SOCS7: variants seen among roughly 807,000 people sequenced by gnomAD.
SOCS7 encodes the protein NAP-4.
Under a neutral mutation model 58.9 loss-of-function variants are expected in SOCS7, and 18 were observed. The observed-to-expected ratio is 0.31, with a 90% CI of 0.21 to 0.45. The LOEUF is 0.45. Ranked by LOEUF, SOCS7 falls within the 20% of genes least tolerant of loss-of-function variation. SOCS7 has a pLI of 1.00. For synonymous variants in SOCS7, 388 were observed against 364.3 expected, an observed-to-expected ratio of 1.06 and a Z score of -0.74; for missense variants, 667 against 837.3, an observed-to-expected ratio of 0.80 and a Z score of 2.51.
Position 38,353,007 on chromosome 17 carries a change from G to A in SOCS7, c.955G>A (p.Ala319Thr). Residue 319 changes from alanine to threonine, a missense_variant, in exon 1 of 10, where the codon GCG becomes ACG. Around this residue, in one of 9 missense-constraint regions of SOCS7, gnomAD observed 208 missense variants for 190.3 expected, o/e 1.09. Coordinates refer to ENST00000612932, the MANE Select transcript of SOCS7 (RefSeq NM_014598.4). ...AASLTDMGGS[A>T]GRELDAGRKP... ...GAGCCTGACAGACATGGGAGGCTCTGCGGGCCGGGAGCTGGACGCGGGGAG... is the reference window on the plus strand; with the variant it reads ...GAGCCTGACAGACATGGGAGGCTCTACGGGCCGGGAGCTGGACGCGGGGAG... 1 of 1,596,212 alleles carries A rather than the reference G, an allele frequency of 6.3e-7. No individual in the cohort carries two copies.
intron 7 of SOCS7, among the ~76,000 whole-genome samples, chr17:38,385,848 T>C (rs1425644290): frequency 6.6e-6 from 1 of 152,180 alleles, no homozygotes; most frequent in Non-Finnish European, 1.5e-5. Flanking sequence ...TCCTGTCTTC[T>C]GTATTTCTTA....
intron 7 of SOCS7, among the ~76,000 whole-genome samples, chr17:38,387,133 GTATA>G (rs1191192504): frequency 2.7e-5 from 2 of 73,486 alleles, no homozygotes; most frequent in African/African-American, 7.0e-5. Context: ...ATATATGTAT[GTATA>G]TATATATATA....
chr17:38,362,592 T>TA (rs587632203), intron 2 of SOCS7, among the ~76,000 whole-genome samples: 145 of 152,334 alleles, frequency 9.5e-4, no homozygotes, highest in African/African-American at 3.3e-3. Context: ...TTGGAAGACT[T>TA]ACGATTTGGG....
intron 7 of SOCS7, among the ~76,000 whole-genome samples, chr17:38,386,348 A>AAAAAAAAT (rs1206461262): frequency 6.7e-6 from 1 of 149,964 alleles, no homozygotes; most frequent in African/African-American, 2.4e-5. Flanking sequence ...AAAAAAAAAA[A>AAAAAAAAT]TTAGCCAGGT....
chr17:38,352,635 A>G lies in SOCS7; in HGVS notation c.583A>G (p.Ser195Gly), dbSNP rs1567732675. The change falls in exon 1 of 10, where the codon AGC becomes GGC. Residue 195 changes from serine (S) to glycine (G), a missense_variant. Around this residue, in one of 9 missense-constraint regions of SOCS7, gnomAD observed 208 missense variants for 190.3 expected, o/e 1.09. Coordinates refer to ENST00000612932, the MANE Select transcript of SOCS7 (RefSeq NM_014598.4). The surrounding 1 kb of genome is among the most constrained non-coding windows in gnomAD (Gnocchi z 5.5). Reference sequence around the variant, plus strand: ...GGAGGCCGAGAGCCTGGAGACTAACAGCTGCTCGGAAGAGGAGCTCAGCAG... The same window carrying G: ...GGAGGCCGAGAGCCTGGAGACTAACGGCTGCTCGGAAGAGGAGCTCAGCAG... ...ESEAESLETN[S>G]CSEEELSSPG... 3.9e-6 allele frequency: 6 copies of G among 1,549,870 alleles called. No homozygotes were observed. The highest frequency in any genetic ancestry group is 2.0e-5 in the Admixed American group (1 of 50,974).
At position 38,395,982 on chromosome 17, in the gene SOCS7, G is replaced by C; in HGVS notation, c.*14G>C. On this transcript the variant is annotated 3_prime_UTR_variant, in exon 9 of 10. Coordinates refer to ENST00000612932, the MANE Select transcript of SOCS7 (RefSeq NM_014598.4). ...CCCTCCACGTAGCGAGGGGCTCCCT[G>C]CTGGTCACCACCAAGGGTATGAGCT... is the stretch of plus-strand genomic sequence containing the variant. 1 of 1,593,220 alleles carries C rather than the reference G, an allele frequency of 6.3e-7. No homozygotes were observed. The highest frequency in any genetic ancestry group is 8.5e-7 in the Non-Finnish European group (1 of 1,175,216).
intron 6 of SOCS7, among the ~76,000 whole-genome samples, chr17:38,375,380 A>G (rs565733357): frequency 6.6e-6 from 1 of 151,960 alleles, no homozygotes; most frequent in East Asian, 1.9e-4. Flanking sequence ...AACAATGAGG[A>G]TGAAAACCTT....
At chr17:38,368,123 G>T in intron 6 of SOCS7, 73 bp downstream of exon 6, 1 of 1,370,366 alleles carries the variant, frequency 7.3e-7, no homozygotes, top group East Asian at 2.4e-5. Flanking sequence ...CTTTTTTGTG[G>T]AAGAGATTCA....
intron 1 of SOCS7, among the ~76,000 whole-genome samples, chr17:38,357,446 G>C (rs976674661): frequency 6.6e-6 from 1 of 152,186 alleles, no homozygotes; most frequent in African/African-American, 2.4e-5. Flanking sequence ...GTCCTGTGCA[G>C]TGCTTCTCAC....
intron 4 of SOCS7, chr17:38,365,981 A>G: frequency 9.0e-7 from 1 of 1,108,446 alleles, no homozygotes; most frequent in Non-Finnish European, 1.1e-6. Context: ...GAGGTGGGAG[A>G]AGTTGGAATC....
chr17:38,352,495 C>T lies in SOCS7; in HGVS notation c.443C>T (p.Pro148Leu), dbSNP rs1363116569. 1 of 1,536,422 alleles carries T rather than the reference C, an allele frequency of 6.5e-7. No homozygotes were observed. Among genetic ancestry groups the T allele is most frequent in the Non-Finnish European group, 8.8e-7 (1 of 1,140,450 alleles). Residue 148 changes from proline to leucine, a missense_variant, in exon 1 of 10, where the codon CCG becomes CTG. By Grantham distance (98) the Pro-to-Leu change is moderately conservative. Around this residue, in one of 9 missense-constraint regions of SOCS7, gnomAD observed 154 missense variants for 156.3 expected, o/e 0.98. Coordinates refer to ENST00000612932, the MANE Select transcript of SOCS7 (RefSeq NM_014598.4). This position sits in a 1 kb window ranked among gnomAD's most constrained non-coding sequence, Gnocchi z 5.5. The stretch of plus-strand genomic sequence containing the variant: ...GTCGGTGGGGGTTGCTGCCCGTGTC[C>T]GTGTCCTCCTCAGCCGCCCCCTCCG... ...KTVGGGCCPC[P>L]CPPQPPPPQP...
At chr17:38,373,378 C>G (rs1404217046) in intron 6 of SOCS7, among the ~76,000 whole-genome samples, 1 of 152,080 alleles carries the variant, frequency 6.6e-6, no homozygotes, top group African/African-American at 2.4e-5. Context: ...GGATATCTGC[C>G]TGAACAGGTT....
chr17:38,382,771 G>A (rs2038020220), intron 7 of SOCS7, among the ~76,000 whole-genome samples: 1 of 152,160 alleles, frequency 6.6e-6, no homozygotes, highest in Non-Finnish European at 1.5e-5. Flanking sequence ...ACAGGCGTGA[G>A]CCACCACGCT....
At chr17:38,369,354 C>T (rs578090246) in intron 6 of SOCS7, among the ~76,000 whole-genome samples, 1 of 152,282 alleles carries the variant, frequency 6.6e-6, no homozygotes, top group Admixed American at 6.5e-5. Context: ...GTCAGCATAG[C>T]TTTGTCCATG....
chr17:38,386,537 A>G (rs1398788030), intron 7 of SOCS7, among the ~76,000 whole-genome samples: 1 of 152,028 alleles, frequency 6.6e-6, no homozygotes, highest in Non-Finnish European at 1.5e-5. Context: ...CCCATAGGAA[A>G]CACATGATGT....
chr17:38,379,798 T>C (rs9898085), intron 7 of SOCS7, among the ~76,000 whole-genome samples: 1,894 of 152,300 alleles, frequency 0.012, 40 homozygotes, highest in African/African-American at 0.043. Flanking sequence ...TCCTTCCTTA[T>C]AGGAGTTGAC....
chr17:38,356,645 G>T (rs1433176301), intron 1 of SOCS7, among the ~76,000 whole-genome samples: 1 of 152,016 alleles, frequency 6.6e-6, no homozygotes, highest in Non-Finnish European at 1.5e-5. Context: ...GATTACAGGC[G>T]TGAGCCACCA....
intron 7 of SOCS7, among the ~76,000 whole-genome samples, chr17:38,384,942 G>A (rs371779488): frequency 2.2e-5 from 3 of 135,374 alleles, no homozygotes; most frequent in East Asian, 2.1e-4. Flanking sequence ...TATTGTCCAG[G>A]CTAGAGTGCA....
chr17:38,391,492 G>T (rs1401776069), intron 7 of SOCS7, among the ~76,000 whole-genome samples: 8 of 152,148 alleles, frequency 5.3e-5, no homozygotes, highest in Non-Finnish European at 8.8e-5. Context: ...CTGGGCTTAA[G>T]CAGTCCTCCC....
Sources: gnomAD v4.1 joint callset for allele counts (sites outside exome capture counted in the v4.1 genomes callset) on GRCh38, gnomAD v4.1.1 for gene constraint, gnomAD v4.1.1 regional missense constraint, Gnocchi (gnomAD v3.1) non-coding constraint, MANE v1.5 for transcripts, NCBI Gene and HGNC (gene_info 2026-07-23, HGNC 2026-07-21) for gene names.